Variants in MYO1E observed in about 807,000 individuals in gnomAD.
MYO1E encodes myosin IE.
Under a neutral mutation model 151.1 loss-of-function variants are expected in MYO1E, and 68 were observed. The observed-to-expected ratio is 0.45, with a 90% CI of 0.37 to 0.55. The LOEUF (loss-of-function observed/expected upper bound fraction) is 0.55, where lower values mean the gene tolerates loss of function less well. MYO1E is among the 20% of genes least tolerant of loss of function. The probability of loss-of-function intolerance (pLI) is 0.00; values close to 1 mark genes in which losing one functional copy is unlikely to be tolerated. For missense variants in MYO1E, 1,363 were observed against 1,389.3 expected, an observed-to-expected ratio of 0.98 and a Z score of 0.30; for synonymous variants, 601 against 501.7, an observed-to-expected ratio of 1.20 and a Z score of -2.64.
In MYO1E at chr15:59,272,331, T is replaced by G. The variant is rs144101392; in HGVS notation, c.122A>C (p.Lys41Thr). 6 of 1,614,032 alleles carry G rather than the reference T, an allele frequency of 3.7e-6. No individual in the cohort carries two copies. The African/African-American group carries it at 8.0e-5, about 22-fold the overall frequency. Residue 41 changes from lysine to threonine, a missense_variant, in exon 2 of 28, where the codon AAG becomes ACG. Coordinates refer to ENST00000288235, the MANE Select transcript of MYO1E (RefSeq NM_004998.4). ...TENSIVENLK[K>T]RYMDDYIFTY... ...AAAAATGTAGTCATCCATGTATCTC[T>G]TCTTCAGATTCTCCACGATGGAGTT...
chr15:59,204,885 T>TG (rs2079823055), intron 15 of MYO1E, among the ~76,000 whole-genome samples: 1 of 152,068 alleles, frequency 6.6e-6, no homozygotes, highest in African/African-American at 2.4e-5. Flanking sequence ...TCTTAAATAG[T>TG]CAGAAATGGC....
chr15:59,146,656 C>G (rs1166801276), intron 26 of MYO1E, among the ~76,000 whole-genome samples: 1 of 151,214 alleles, frequency 6.6e-6, no homozygotes, highest in African/African-American at 2.4e-5. Context: ...CTCACAATAA[C>G]TTATTTTTTC....
chr15:59,231,979 T>G (rs2080031134), intron 5 of MYO1E, among the ~76,000 whole-genome samples, 188 bp from the exon 6 acceptor site: 1 of 152,306 alleles, frequency 6.6e-6, no homozygotes, highest in African/African-American at 2.4e-5. Flanking sequence ...TTTGTGTATT[T>G]GGGTCTTCCA....
At chr15:59,262,816 A>C (rs2080231919) in intron 2 of MYO1E, among the ~76,000 whole-genome samples, 1 of 152,200 alleles carries the variant, frequency 6.6e-6, no homozygotes, top group African/African-American at 2.4e-5. Flanking sequence ...TACACATTTT[A>C]ATATATGAAA....
At chr15:59,161,842 G>A (rs1445705780) in intron 23 of MYO1E, among the ~76,000 whole-genome samples, 1 of 152,158 alleles carries the variant, frequency 6.6e-6, no homozygotes, top group Non-Finnish European at 1.5e-5. Flanking sequence ...CCTGTATTAT[G>A]CAATCCTTAT....
chr15:59,166,929 T>C (rs1424942073), intron 22 of MYO1E, among the ~76,000 whole-genome samples: 2 of 152,220 alleles, frequency 1.3e-5, no homozygotes, highest in Admixed American at 1.3e-4. Context: ...TACTCAGCTG[T>C]CTGTTCCCCC....
intron 17 of MYO1E, among the ~76,000 whole-genome samples, chr15:59,193,116 C>A (rs2079744253): frequency 1.0e-5 from 1 of 95,336 alleles, no homozygotes; most frequent in Admixed American, 1.0e-4. Context: ...AGTGCCTGGG[C>A]CATCATCACC....
chr15:59,234,098 C>G (rs1566987602), intron 5 of MYO1E, among the ~76,000 whole-genome samples: 1 of 152,134 alleles, frequency 6.6e-6, no homozygotes, highest in Non-Finnish European at 1.5e-5. Context: ...TCCTTTCATT[C>G]AGAGAAAGAG....
Position 59,227,454 on chromosome 15 carries a change from A to C in MYO1E, c.642+5T>G, listed in dbSNP as rs2079998884. 6.2e-7 allele frequency: 1 copy of C among 1,613,994 alleles called. No individual in the cohort carries two copies. The highest frequency in any genetic ancestry group is 1.1e-5 in the South Asian group (1 of 91,084). The stretch of plus-strand genomic sequence containing the variant: ...AGTGGGTAGGAAAAAAGTAAACAGG[A>C]AAACCTGGTAAAATATGTGAAAACT... On this transcript the variant is annotated splice_donor_5th_base_variant and intron_variant, in intron 7 of 27. Transcript: ENST00000288235.
intron 13 of MYO1E, chr15:59,209,113 T>G: frequency 5.8e-6 from 3 of 521,124 alleles, no homozygotes; most frequent in Non-Finnish European, 1.0e-5. Flanking sequence ...GATCATTATC[T>G]GCTCACTCAT....
intron 18 of MYO1E, among the ~76,000 whole-genome samples, chr15:59,183,745 C>T (rs927679545): frequency 3.3e-5 from 5 of 152,104 alleles, no homozygotes; most frequent in African/African-American, 1.2e-4. Flanking sequence ...ACTATAGTCA[C>T]CCAGTTGTGC....
intron 1 of MYO1E, among the ~76,000 whole-genome samples, chr15:59,277,570 A>G (rs2080328519): frequency 6.8e-6 from 1 of 147,766 alleles, no homozygotes; most frequent in African/African-American, 2.6e-5. Context: ...AAAAAAAAAA[A>G]AAACATCAAA....
chr15:59,268,355 T>A (rs2140379255), intron 2 of MYO1E, among the ~76,000 whole-genome samples: 1 of 152,254 alleles, frequency 6.6e-6, no homozygotes, highest in Admixed American at 6.5e-5. Flanking sequence ...AAACATAAAG[T>A]CATTAGTGGT....
intron 1 of MYO1E, among the ~76,000 whole-genome samples, chr15:59,321,986 C>T (rs2080629243): frequency 6.6e-6 from 1 of 152,046 alleles, no homozygotes; most frequent in African/African-American, 2.4e-5. Flanking sequence ...CTAGCCTGGC[C>T]AACATGGCAA....
chr15:59,132,875 G>A lies in MYO1E; in HGVS notation c.*4505C>T, dbSNP rs182110087. 2.0e-5 allele frequency: 3 copies of A among 152,326 alleles called. No homozygotes were observed. The highest frequency in any genetic ancestry group is 6.5e-5 in the Admixed American group (1 of 15,298). 9.4% of individuals were successfully genotyped at this position (152,326 alleles called of 1,614,324 possible). On this transcript the variant is annotated 3_prime_UTR_variant, in exon 28 of 28. Transcript: ENST00000288235. ...GAGAAGGTTAATGGTCTTGGAAAGA[G>A]ATGAATCAGAGGATTCAGATTTGTT...
chr15:59,203,825 G>T (rs1252903837), intron 15 of MYO1E, among the ~76,000 whole-genome samples: 1 of 152,208 alleles, frequency 6.6e-6, no homozygotes, highest in Non-Finnish European at 1.5e-5. Context: ...ATATGTATTT[G>T]CTGACTGGGT....
chr15:59,223,007 T>C, intron 9 of MYO1E, 52 bp downstream of exon 9: 1 of 1,611,080 alleles, frequency 6.2e-7, no homozygotes, highest in Non-Finnish European at 8.5e-7. Context: ...AGGTTACTTC[T>C]AATCAGAGCT....
chr15:59,137,407 G>T lies in MYO1E; in HGVS notation c.3300C>A (p.Phe1100Leu), dbSNP rs558349750. 2.5e-6 allele frequency: 4 copies of T among 1,614,132 alleles called. No individual in the cohort carries two copies. The African/African-American group carries it at 5.3e-5, about 22-fold the overall frequency. ...AGATCTTGGTCACATAGTTGTTGGG[G>T]AACAGGCCCTGCTTGCCTCGTAGTC... Reference protein sequence around the residue: ...TGRLRGKQGLFPNNYVTKI With the variant: ...TGRLRGKQGLLPNNYVTKI The change falls in exon 28 of 28, where the codon TTC becomes TTA. Residue 1100 changes from phenylalanine to leucine, a missense_variant. Coordinates refer to ENST00000288235, the MANE Select transcript of MYO1E (RefSeq NM_004998.4).
At chr15:59,295,753 TC>T (rs1398594911) in intron 1 of MYO1E, among the ~76,000 whole-genome samples, 1 of 151,522 alleles carries the variant, frequency 6.6e-6, no homozygotes, top group Non-Finnish European at 1.5e-5. Flanking sequence ...CTGGCAAAAT[TC>T]CCCTCCTGCT....
Sources: allele counts gnomAD v4.1 joint callset (sites outside exome capture counted in the v4.1 genomes callset), GRCh38; gene constraint gnomAD v4.1.1; transcripts MANE v1.5; gene names NCBI Gene and HGNC (gene_info 2026-07-23, HGNC 2026-07-21).